The following PTK7 variants were observed in gnomAD, a reference collection of about 807,000 sequenced individuals.
PTK7 encodes the protein protein tyrosine kinase 7 (inactive), also known as inactive tyrosine-protein kinase 7.
In PTK7, 39 loss-of-function variants were observed where a neutral mutation model predicts 116.6. That is an observed-to-expected ratio of 0.33 (90% CI 0.26 to 0.44). The LOEUF (loss-of-function observed/expected upper bound fraction) is 0.44, where lower values mean the gene tolerates loss of function less well. Ranked by LOEUF, PTK7 falls within the 20% of genes least tolerant of loss-of-function variation. PTK7 has a pLI of 1.00. For synonymous variants in PTK7, 546 were observed against 563.6 expected, an observed-to-expected ratio of 0.97 and a Z score of 0.44; for missense variants, 1,169 against 1,425.6, an observed-to-expected ratio of 0.82 and a Z score of 2.90.
intron 1 of PTK7, among the ~76,000 whole-genome samples, chr6:43,124,577 G>A (rs60610762): frequency 0.11 from 16,700 of 152,220 alleles, 1,482 homozygotes; most frequent in East Asian, 0.32. Context: ...CTAGGAGGCC[G>A]AGGTGGGAGG....
Position 43,143,080 on chromosome 6 carries a change from C to T in PTK7, c.2048-337C>T, listed in dbSNP as rs577585703. On this transcript the variant is annotated intron_variant, in intron 13 of 19. Coordinates refer to ENST00000230419, the MANE Select transcript of PTK7 (RefSeq NM_002821.5). The surrounding 1 kb of genome is among the most constrained non-coding windows in gnomAD (Gnocchi z 4.2). The stretch of plus-strand genomic sequence containing the variant: ...AAACCTGAAGCTCCCAAATGCTGCT[C>T]TCCGGGGCCTGGCTCACATTATCAA... 1.5e-4 allele frequency: 37 copies of T among 246,922 alleles called. No homozygotes were observed. The highest frequency in any genetic ancestry group is 5.7e-4 in the African/African-American group (25 of 44,090). The allele number at this position is 246,922 out of a possible 1,614,324, so 15.3% of individuals were successfully genotyped here. A position where few individuals can be genotyped will look rare whatever the true frequency, so the allele number is the denominator to read the frequency against.
intron 1 of PTK7, among the ~76,000 whole-genome samples, chr6:43,079,362 G>C (rs1394298759): frequency 6.6e-6 from 1 of 152,124 alleles, no homozygotes; most frequent in Admixed American, 6.5e-5. Flanking sequence ...AGCTACTCGG[G>C]AGGCTGAGAC....
intron 1 of PTK7, among the ~76,000 whole-genome samples, chr6:43,113,049 A>C (rs1431427812): frequency 5.3e-5 from 8 of 151,840 alleles, no homozygotes; most frequent in South Asian, 4.2e-4. Flanking sequence ...GCTGGTCTTG[A>C]ATTCCTGAGC....
intron 7 of PTK7, among the ~76,000 whole-genome samples, chr6:43,138,263 G>A (rs1474218498): frequency 2.0e-5 from 3 of 150,654 alleles, no homozygotes; most frequent in Admixed American, 6.6e-5. Context: ...CTCCCGCCTC[G>A]GCCTCCCAAA....
At position 43,142,178 on chromosome 6, in the gene PTK7, C is replaced by T. The variant is rs1210889322; in HGVS notation, c.1926C>T (p.His642=). The change falls in exon 13 of 20, where the codon CAC becomes CAT. Residue 642 remains histidine, a synonymous_variant. Coordinates refer to ENST00000230419, the MANE Select transcript of PTK7 (RefSeq NM_002821.5). ...LDPTKLGPRM[H]IFQNGSLVIH... Reference sequence around the variant, plus strand: ...ATGGCTTCTCCCCCGACAGGATGCACATCTTCCAGAATGGCTCCCTGGTGA... The same window carrying T: ...ATGGCTTCTCCCCCGACAGGATGCATATCTTCCAGAATGGCTCCCTGGTGA... 5.0e-6 allele frequency: 8 copies of T among 1,613,994 alleles called. No individual in the cohort carries two copies. The highest frequency in any genetic ancestry group is 6.8e-6 in the Non-Finnish European group (8 of 1,180,020).
At chr6:43,149,144 G>A (rs543966179) in intron 17 of PTK7, among the ~76,000 whole-genome samples, 59 of 151,632 alleles carry the variant, frequency 3.9e-4, no homozygotes, top group African/African-American at 1.3e-3. Flanking sequence ...GGCTGAGGCG[G>A]GAAGATCACT....
chr6:43,100,119 C>G (rs1767483533), intron 1 of PTK7, among the ~76,000 whole-genome samples: 1 of 152,162 alleles, frequency 6.6e-6, no homozygotes, highest in Non-Finnish European at 1.5e-5. Flanking sequence ...CATAGTGTCT[C>G]AGGCCTGTAA....
intron 1 of PTK7, among the ~76,000 whole-genome samples, chr6:43,099,773 T>A (rs1040687695): frequency 6.6e-6 from 1 of 152,210 alleles, no homozygotes; most frequent in Admixed American, 6.5e-5. Flanking sequence ...ATGACTGAAA[T>A]TTATTAAAGA....
chr6:43,102,501 A>G (rs1415494804), intron 1 of PTK7, among the ~76,000 whole-genome samples: 1 of 151,952 alleles, frequency 6.6e-6, no homozygotes, highest in African/African-American at 2.4e-5. Flanking sequence ...GGGCAGGAGA[A>G]TTGCTTAAAC....
chr6:43,149,450 T>G (rs192137616), intron 17 of PTK7, among the ~76,000 whole-genome samples: 1 of 152,316 alleles, frequency 6.6e-6, no homozygotes, highest in African/African-American at 2.4e-5. Flanking sequence ...TCTAAAGATG[T>G]GAATTTTTCA....
intron 14 of PTK7, among the ~76,000 whole-genome samples, chr6:43,144,084 C>T (rs1379493777): frequency 1.3e-5 from 2 of 152,190 alleles, no homozygotes; most frequent in African/African-American, 4.8e-5. Flanking sequence ...GTTGGGTCTC[C>T]ATTATTGTGA....
intron 1 of PTK7, among the ~76,000 whole-genome samples, chr6:43,086,539 A>T (rs1398490341): frequency 6.6e-6 from 1 of 152,036 alleles, no homozygotes; most frequent in Non-Finnish European, 1.5e-5. Context: ...GCACATTACA[A>T]ATAAGTACTC....
chr6:43,144,249 G>A (rs2150455005), intron 14 of PTK7: 1 of 606,294 alleles, frequency 1.6e-6, no homozygotes, highest in African/African-American at 1.8e-5. Flanking sequence ...CATCACTAAG[G>A]GGTCATACCC....
At chr6:43,094,660 A>T (rs527978171) in intron 1 of PTK7, among the ~76,000 whole-genome samples, 1 of 151,588 alleles carries the variant, frequency 6.6e-6, no homozygotes, top group Admixed American at 6.6e-5. Flanking sequence ...CTGTATTTTT[A>T]GTAGAGACGG....
rs1561990786 is a variant in PTK7 at position 43,157,378 on chromosome 6, T to TTTTC, written c.2722-1436_2722-1435insCTTT. ...TATATATATATATTTTTTTTTTTCT[T>TTTTC]TTTTTTTTTTTTTTTTTAATAGAGT... On this transcript the variant is annotated intron_variant, in intron 17 of 19. Transcript: ENST00000230419. 4.8e-4 allele frequency among the ~76,000 whole-genome samples: 38 copies of TTTTC among 79,774 alleles called. 2 individuals are homozygous for TTTTC. The highest frequency in any genetic ancestry group is 9.8e-4 in the African/African-American group (20 of 20,306). The allele number at this position is 79,774 out of a possible 152,430, so 52.3% of individuals were successfully genotyped here. A position where few individuals can be genotyped will look rare whatever the true frequency, so the allele number is the denominator to read the frequency against.
rs1352651932 is a variant in PTK7 at position 43,143,355 on chromosome 6, T to C, written c.2048-62T>C. 1 of 1,525,738 alleles carries C rather than the reference T, an allele frequency of 6.6e-7. No individual in the cohort carries two copies. The highest frequency in any genetic ancestry group is 9.0e-7 in the Non-Finnish European group (1 of 1,113,824). 94.5% of individuals were successfully genotyped at this position (1,525,738 alleles called of 1,614,324 possible). A position where few individuals can be genotyped will look rare whatever the true frequency, so the allele number is the denominator to read the frequency against. On this transcript the variant is annotated intron_variant, in intron 13 of 19. Coordinates refer to ENST00000230419, the MANE Select transcript of PTK7 (RefSeq NM_002821.5). The surrounding 1 kb of genome is among the most constrained non-coding windows in gnomAD (Gnocchi z 4.2). ...TGTTGATGGGGTTGGGAGGAGTTAG[T>C]AGAGAAGCAGGGCTTCTTTTGCTTA...
At position 43,160,998 on chromosome 6, in the gene PTK7, C is replaced by T. The variant is rs1039738818; in HGVS notation, c.*117C>T. 2.9e-6 allele frequency: 4 copies of T among 1,362,548 alleles called. No individual in the cohort carries two copies. The African/African-American group carries it at 4.4e-5, about 15-fold the overall frequency. The allele number at this position is 1,362,548 out of a possible 1,614,324, so 84.4% of individuals were successfully genotyped here. On this transcript the variant is annotated 3_prime_UTR_variant, in exon 20 of 20. Coordinates refer to ENST00000230419, the MANE Select transcript of PTK7 (RefSeq NM_002821.5). Reference sequence around the variant, plus strand: ...CCCTGAGGCCCCTGCCCTAGTGCAACAGGCATTGCTGAGGTCTGAGCAGGG... The same window carrying T: ...CCCTGAGGCCCCTGCCCTAGTGCAATAGGCATTGCTGAGGTCTGAGCAGGG...
rs752395493 is a variant in PTK7 at position 43,076,923 on chromosome 6, C to T, written c.79+356C>T. 5.5e-5 allele frequency: 83 copies of T among 1,515,508 alleles called. No homozygotes were observed. In the African/African-American group the frequency reaches 9.0e-4, roughly 16 times the overall value. 93.9% of individuals were successfully genotyped at this position (1,515,508 alleles called of 1,614,324 possible). ...GTCGGGGGAGAAAAGACCATCCGCA[C>T]CCACCGTGGGGAGCGCGATGGAGAA... On this transcript the variant is annotated intron_variant, in intron 1 of 19. Transcript: ENST00000230419. This position sits in a 1 kb window ranked among gnomAD's most constrained non-coding sequence, Gnocchi z 5.7.
Position 43,130,323 on chromosome 6 carries a change from G to A in PTK7, c.564G>A (p.Arg188=). 6.2e-7 allele frequency: 1 copy of A among 1,612,618 alleles called. No homozygotes were observed. The highest frequency in any genetic ancestry group is 1.3e-5 in the African/African-American group (1 of 75,054). Residue 188 remains arginine (R), a synonymous_variant, in exon 4 of 20, where the codon CGG becomes CGA. Coordinates refer to ENST00000230419, the MANE Select transcript of PTK7 (RefSeq NM_002821.5). ...GCAAGGAGCGGAACCTGACGCTCCG[G>A]CCAGCTGGTCCTGAGCATAGTGGGC... The part of the protein sequence containing the change: ...VSSKERNLTL[R]PAGPEHSGLY...
Sources: gnomAD v4.1 joint callset for allele counts (sites outside exome capture counted in the v4.1 genomes callset) on GRCh38, gnomAD v4.1.1 for gene constraint, Gnocchi (gnomAD v3.1) non-coding constraint, MANE v1.5 for transcripts, NCBI Gene and HGNC (gene_info 2026-07-23, HGNC 2026-07-21) for gene names.